INPP4B: variants seen among roughly 807,000 people sequenced by gnomAD.
The protein encoded by INPP4B is inositol polyphosphate-4-phosphatase type II B, also known as inositol polyphosphate 4-phosphatase type II.
A neutral mutation model predicts 122.5 loss-of-function variants in INPP4B; 55 were observed. That is an observed-to-expected ratio of 0.45 (90% confidence interval 0.36 to 0.56). The LOEUF (loss-of-function observed/expected upper bound fraction) is 0.56. Among genes scored for constraint, INPP4B ranks in the 20% least tolerant of loss-of-function variants. The pLI is 0.00. For synonymous variants in INPP4B, 403 were observed against 388.7 expected (o/e 1.04, Z -0.43); for missense variants, 1,000 against 1,097.7 (o/e 0.91, Z 1.26).
At position 142,260,546 on chromosome 4, in the gene INPP4B, A is replaced by G. The variant is rs2150383513; in HGVS notation, c.634T>C (p.Cys212Arg). 6.2e-7 allele frequency: 1 copy of G among 1,606,014 alleles called. No individual in the cohort carries two copies. The highest frequency in any genetic ancestry group is 8.5e-7 in the Non-Finnish European group (1 of 1,174,912). The change falls in exon 11 of 26, where the codon TGT (cysteine) becomes CGT (arginine). Residue 212 changes from cysteine (C) to arginine (R), a missense_variant. Coordinates refer to ENST00000262992, the MANE Select transcript of INPP4B (RefSeq NM_001101669.3). ...CCGCTCACACTTTCCGGGGCTGTACATTCACATACCAGGGCACACTAGGAA... is the reference window on the plus strand; with the variant it reads ...CCGCTCACACTTTCCGGGGCTGTACGTTCACATACCAGGGCACACTAGGAA... ...QGQKCALVCE[C>R]TAPESVSGKD...
At position 142,124,736 on chromosome 4, in the gene INPP4B, G is replaced by A. The variant is rs2152760174; in HGVS notation, c.1745C>T (p.Pro582Leu). 1.3e-6 allele frequency: 2 copies of A among 1,593,418 alleles called. No homozygotes were observed. The highest frequency in any genetic ancestry group is 1.7e-6 in the Non-Finnish European group (2 of 1,165,772). ...GCAGTCCTTCAGGGTAAGGATGAGGGGATACAACTGTTCATACCAGTCCTC... is the reference window on the plus strand; with the variant it reads ...GCAGTCCTTCAGGGTAAGGATGAGGAGATACAACTGTTCATACCAGTCCTC... ...PREDWYEQLY[P>L]LILTLKDCMG... Residue 582 changes from proline (P) to leucine (L), a missense_variant, in exon 19 of 26, where the codon CCC becomes CTC. Physicochemically the swap from Pro to Leu is moderately conservative, Grantham distance 98 (BLOSUM62 -3). Transcript: ENST00000262992.
Position 142,268,334 on chromosome 4 carries a change from A to AAAAAAAAAAAAAAAAAAAAC in INPP4B, c.615+2328_615+2329insGTTTTTTTTTTTTTTTTTTT, listed in dbSNP as rs1743952290. Among the ~76,000 whole-genome samples, 2 of 140,368 alleles carry AAAAAAAAAAAAAAAAAAAAC rather than the reference A, an allele frequency of 1.4e-5. 1 individual carries two copies. Among genetic ancestry groups the AAAAAAAAAAAAAAAAAAAAC allele is most frequent in the Non-Finnish European group, 3.1e-5 (2 of 64,138 alleles). The allele number at this position is 140,368 out of a possible 152,430, so 92.1% of individuals were successfully genotyped here. A position where few individuals can be genotyped will look rare whatever the true frequency, so the allele number is the denominator to read the frequency against. ...CAAGACTCCGTCTCAAAAAAAAAAA[A>AAAAAAAAAAAAAAAAAAAAC]AAAAAAAAAAAATGAGGGGTAAGTA... On this transcript the variant is annotated intron_variant, in intron 10 of 25. Transcript: ENST00000262992.
chr4:142,114,466 T>A (rs926705134), intron 21 of INPP4B, among the ~76,000 whole-genome samples: 1 of 152,106 alleles, frequency 6.6e-6, no homozygotes, highest in South Asian at 2.1e-4. Context: ...ATGATTCTAG[T>A]GTGAAGGAAA....
At chr4:142,505,582 G>A (rs1419589930) in intron 2 of INPP4B, among the ~76,000 whole-genome samples, 3 of 152,112 alleles carry the variant, frequency 2.0e-5, no homozygotes, top group Non-Finnish European at 4.4e-5. Context: ...AAACTGTTTA[G>A]CACACTGCCT....
intron 2 of INPP4B, among the ~76,000 whole-genome samples, chr4:142,689,873 G>A (rs1409569011): frequency 6.6e-6 from 1 of 152,088 alleles, no homozygotes; most frequent in East Asian, 1.9e-4. Flanking sequence ...ATAAAACTAA[G>A]TTCTCACTAA....
At chr4:142,557,522 TG>T (rs59806432) in intron 2 of INPP4B, among the ~76,000 whole-genome samples, 37,802 of 151,926 alleles carry the variant, frequency 0.25, 5,867 homozygotes, top group East Asian at 0.77. Flanking sequence ...TGGCAGTCCA[TG>T]GGCAAGAGTT....
At chr4:142,453,531 A>T (rs772653439) in intron 3 of INPP4B, among the ~76,000 whole-genome samples, 19 of 152,170 alleles carry the variant, frequency 1.2e-4, no homozygotes, top group Non-Finnish European at 2.5e-4. Flanking sequence ...TTATTATGGC[A>T]GGCAAGAAAA....
intron 2 of INPP4B, among the ~76,000 whole-genome samples, chr4:142,499,014 G>C (rs1484736651): frequency 1.3e-5 from 2 of 152,118 alleles, no homozygotes; most frequent in Non-Finnish European, 2.9e-5. Context: ...GAGTTTAAGA[G>C]TGGAATGCAA....
chr4:142,398,422 A>ATATATC (rs1800353579), intron 7 of INPP4B, among the ~76,000 whole-genome samples: 1 of 106,406 alleles, frequency 9.4e-6, no homozygotes, highest in African/African-American at 3.5e-5. Flanking sequence ...ATATATATAT[A>ATATATC]TATATATATA....
intron 2 of INPP4B, among the ~76,000 whole-genome samples, chr4:142,582,472 G>A (rs1207231398): frequency 1.3e-5 from 2 of 152,122 alleles, no homozygotes; most frequent in Non-Finnish European, 2.9e-5. Context: ...ATTTTCTCAT[G>A]TGTGTGGGAG....
At chr4:142,443,185 G>T (rs1241181242) in intron 3 of INPP4B, among the ~76,000 whole-genome samples, 2 of 152,140 alleles carry the variant, frequency 1.3e-5, no homozygotes, top group South Asian at 4.1e-4. Flanking sequence ...CTGTGGGCTA[G>T]CATGAGAATA....
At chr4:142,073,199 C>T (rs10000301) in intron 25 of INPP4B, among the ~76,000 whole-genome samples, 3,338 of 152,218 alleles carry the variant, frequency 0.022, 132 homozygotes, top group African/African-American at 0.074. Context: ...GTCATTCACA[C>T]TCATATGAGT....
intron 24 of INPP4B, 118 bp from the exon 25 acceptor site, chr4:142,082,303 T>TATG: frequency 1.3e-6 from 1 of 783,806 alleles, no homozygotes; most frequent in South Asian, 4.2e-5. Flanking sequence ...TCTGTTAGTT[T>TATG]ATGATAGTCA....
rs1439535259 is a variant in INPP4B at position 142,579,875 on chromosome 4, G to GA, written c.-190-117150_-190-117149insT. On this transcript the variant is annotated intron_variant, in intron 2 of 25. Transcript: ENST00000262992. ...GATGAATGGATAGATAGATAGATAG[G>GA]TAGGTAGATAGATAGATAGATAGAT... is the stretch of plus-strand genomic sequence containing the variant. Among the ~76,000 whole-genome samples the GA allele has an allele frequency of 7.0e-3, 694 of 99,070 alleles. 1 individual carries two copies. The highest frequency in any genetic ancestry group is 0.021 in the Middle Eastern group (5 of 238). The allele number at this position is 99,070 out of a possible 152,430, so 65.0% of individuals were successfully genotyped here.
At chr4:142,664,327 C>CTA (rs1239178352) in intron 2 of INPP4B, among the ~76,000 whole-genome samples, 1 of 152,164 alleles carries the variant, frequency 6.6e-6, no homozygotes, top group African/African-American at 2.4e-5. Context: ...CTTCTCCCCG[C>CTA]TAAGGCCAGG....
chr4:142,485,491 G>A, intron 2 of INPP4B, among the ~76,000 whole-genome samples: 1 of 152,036 alleles, frequency 6.6e-6, no homozygotes, highest in Non-Finnish European at 1.5e-5. Context: ...ATGTAGTTTT[G>A]ATAGTTCAGA....
intron 24 of INPP4B, 76 bp from the exon 25 acceptor site, chr4:142,082,261 T>C: frequency 1.7e-6 from 2 of 1,159,706 alleles, no homozygotes; most frequent in South Asian, 5.6e-5. Flanking sequence ...CAAACACTTC[T>C]AGTCTAAACA....
chr4:142,516,356 C>T (rs941637477), intron 2 of INPP4B, among the ~76,000 whole-genome samples: 36 of 152,098 alleles, frequency 2.4e-4, no homozygotes, highest in Admixed American at 2.6e-4. Context: ...TTAATAATAA[C>T]AGTAAAGAGG....
chr4:142,621,722 A>C (rs1037269104), intron 2 of INPP4B, among the ~76,000 whole-genome samples: 6 of 151,870 alleles, frequency 4.0e-5, no homozygotes, highest in African/African-American at 1.4e-4. Flanking sequence ...AATATGATGT[A>C]ATCACATATT....
Sources: allele counts gnomAD v4.1 joint callset (sites outside exome capture counted in the v4.1 genomes callset), GRCh38; gene constraint gnomAD v4.1.1; transcripts MANE v1.5; gene names NCBI Gene and HGNC (gene_info 2026-07-23, HGNC 2026-07-21).